Variants in HDAC9 observed in about 807,000 individuals in gnomAD.
The protein encoded by HDAC9 is MEF-2 interacting transcription repressor (MITR) protein.
HDAC9 carries 41 observed loss-of-function variants against 139.4 expected under a neutral mutation model. That is an observed-to-expected ratio of 0.29 (90% CI 0.23 to 0.38). The LOEUF (loss-of-function observed/expected upper bound fraction) is 0.38. Ranked by LOEUF, HDAC9 falls within the 10% of genes least tolerant of loss-of-function variation. The pLI is 1.00. For synonymous variants in HDAC9, 517 were observed against 476.2 expected (o/e 1.09, Z -1.12); for missense variants, 1,147 against 1,297.0 (o/e 0.88, Z 1.78).
At chr7:18,190,240 C>T (rs916161776) in intron 2 of HDAC9, among the ~76,000 whole-genome samples, 3 of 152,172 alleles carry the variant, frequency 2.0e-5, no homozygotes, top group Non-Finnish European at 2.9e-5. Context: ...CCACCACGCC[C>T]GGCCATAAAT....
intron 3 of HDAC9, 86 bp from the exon 4 acceptor site, chr7:18,590,250 A>G: frequency 1.4e-6 from 2 of 1,384,768 alleles, no homozygotes; most frequent in South Asian, 1.4e-5. Flanking sequence ...ACAAGTTCCA[A>G]AAGCTCATAA....
At chr7:18,350,144 G>A (rs1415178615) in intron 1 of HDAC9, among the ~76,000 whole-genome samples, 1 of 151,990 alleles carries the variant, frequency 6.6e-6, no homozygotes, top group Non-Finnish European at 1.5e-5. Flanking sequence ...TTGTACCTGT[G>A]TATAACTCAG....
chr7:18,392,776 A>T (rs573958859), intron 1 of HDAC9, among the ~76,000 whole-genome samples: 37 of 152,252 alleles, frequency 2.4e-4, no homozygotes, highest in Admixed American at 2.3e-3. Context: ...TCACTCAGAT[A>T]TGATTTAGAC....
At position 18,998,377 on chromosome 7, in the gene HDAC9, A is replaced by G. The variant is rs1786580768; in HGVS notation, c.*2315A>G. On this transcript the variant is annotated 3_prime_UTR_variant, in exon 26 of 26. Transcript: ENST00000686413. ...CTAGGACATCTCCATGGTTATTTAG[A>G]TTTAAAACTTGACACATTAATGAGT... 1 of 152,194 alleles carries G rather than the reference A, an allele frequency of 6.6e-6. No individual in the cohort carries two copies. The highest frequency in any genetic ancestry group is 6.5e-5 in the Admixed American group (1 of 15,280). The allele number at this position is 152,194 out of a possible 1,614,324, so 9.4% of individuals were successfully genotyped here.
chr7:18,770,349 G>A (rs994614775), intron 16 of HDAC9, among the ~76,000 whole-genome samples: 3 of 152,094 alleles, frequency 2.0e-5, no homozygotes, highest in African/African-American at 4.8e-5. Flanking sequence ...CCAGGACTTG[G>A]TCATGGTGTA....
Position 18,713,804 on chromosome 7 carries a change from A to G in HDAC9, c.1732-13776A>G, listed in dbSNP as rs142754738. Among the ~76,000 whole-genome samples the G allele has an allele frequency of 4.5e-3, 685 of 152,310 alleles. 2 individuals are homozygous for G. The highest frequency in any genetic ancestry group is 0.016 in the African/African-American group (653 of 41,578). On this transcript the variant is annotated intron_variant, in intron 12 of 25. Transcript: ENST00000686413. Reference sequence around the variant, plus strand: ...AAACAATATCTAGTTGTGACTAGTCATAACTGATGACTGTGGCATTGGTGA... The same window carrying G: ...AAACAATATCTAGTTGTGACTAGTCGTAACTGATGACTGTGGCATTGGTGA...
intron 1 of HDAC9, among the ~76,000 whole-genome samples, chr7:18,468,371 A>G (rs1794466287): frequency 6.6e-6 from 1 of 152,142 alleles, no homozygotes; most frequent in Non-Finnish European, 1.5e-5. Context: ...TCTTTGTGTT[A>G]CAATTCAATA....
intron 25 of HDAC9, among the ~76,000 whole-genome samples, chr7:18,988,686 G>A (rs911175197): frequency 2.0e-5 from 3 of 151,436 alleles, no homozygotes; most frequent in Non-Finnish European, 3.0e-5. Context: ...CATTATTAAT[G>A]TGTGGGAGTC....
chr7:18,722,796 A>G (rs1361570406), intron 12 of HDAC9, among the ~76,000 whole-genome samples: 1 of 152,146 alleles, frequency 6.6e-6, no homozygotes. Context: ...CTTTGAATAA[A>G]CTTCTCTCTT....
chr7:18,465,771 C>T (rs1443923096), intron 1 of HDAC9, among the ~76,000 whole-genome samples: 1 of 152,142 alleles, frequency 6.6e-6, no homozygotes, highest in African/African-American at 2.4e-5. Context: ...TAATCAGTTA[C>T]TAAGCTTCTA....
intron 1 of HDAC9, among the ~76,000 whole-genome samples, chr7:18,460,217 T>A (rs1403540974): frequency 6.6e-6 from 1 of 152,116 alleles, no homozygotes; most frequent in Non-Finnish European, 1.5e-5. Flanking sequence ...TAGTTGTTCA[T>A]GAGTAGAAGG....
chr7:18,396,165 T>C (rs1252779077), intron 1 of HDAC9, among the ~76,000 whole-genome samples: 1 of 145,112 alleles, frequency 6.9e-6, no homozygotes, highest in African/African-American at 2.5e-5. Flanking sequence ...TTTCCTTCTT[T>C]CCTTTCTTCT....
At chr7:18,509,358 C>T in intron 2 of HDAC9, 2 of 985,428 alleles carry the variant, frequency 2.0e-6, no homozygotes, top group Non-Finnish European at 2.4e-6. Context: ...CTGTCAGCTA[C>T]GATTTTCTCT....
chr7:18,213,524 G>T (rs562994939), intron 2 of HDAC9, among the ~76,000 whole-genome samples: 2 of 152,178 alleles, frequency 1.3e-5, no homozygotes, highest in Admixed American at 1.3e-4. Context: ...TCTTTGAGAA[G>T]AAATTTTCTC....
chr7:18,515,211 A>T (rs558847666), intron 2 of HDAC9, among the ~76,000 whole-genome samples: 1 of 152,260 alleles, frequency 6.6e-6, no homozygotes, highest in African/African-American at 2.4e-5. Context: ...TAACAAGAGT[A>T]TTTTTTCCTT....
At chr7:18,529,773 A>C (rs1051595998) in intron 2 of HDAC9, among the ~76,000 whole-genome samples, 2 of 152,260 alleles carry the variant, frequency 1.3e-5, no homozygotes, top group Non-Finnish European at 2.9e-5. Context: ...AATGTTTAAA[A>C]TCTTTATTGC....
intron 1 of HDAC9, among the ~76,000 whole-genome samples, chr7:18,339,154 T>TC (rs1481457441): frequency 6.6e-6 from 1 of 151,470 alleles, no homozygotes; most frequent in African/African-American, 2.4e-5. Context: ...CCTTTTTTTT[T>TC]CTCCATGATC....
At chr7:18,375,022 T>G (rs1784881153) in intron 1 of HDAC9, among the ~76,000 whole-genome samples, 1 of 148,470 alleles carries the variant, frequency 6.7e-6, no homozygotes, top group South Asian at 2.1e-4. Flanking sequence ...TGATAATAAT[T>G]ATGTTACTGG....
intron 1 of HDAC9, among the ~76,000 whole-genome samples, chr7:18,425,621 T>G (rs1429004649): frequency 1.3e-5 from 2 of 152,176 alleles, no homozygotes; most frequent in African/African-American, 2.4e-5. Flanking sequence ...CGCCAGTTAA[T>G]ACTAAATTAC....
Sources: allele counts gnomAD v4.1 joint callset (sites outside exome capture counted in the v4.1 genomes callset), GRCh38; gene constraint gnomAD v4.1.1; transcripts MANE v1.5; gene names NCBI Gene and HGNC (gene_info 2026-07-23, HGNC 2026-07-21).